The following PSD variants were observed in gnomAD, a reference collection of about 807,000 sequenced individuals.
PSD encodes pleckstrin and Sec7 domain containing.
In PSD, 32 loss-of-function variants were observed where a neutral mutation model predicts 91.6. The observed-to-expected ratio is 0.35, with a 90% CI of 0.26 to 0.47. The LOEUF (loss-of-function observed/expected upper bound fraction) is 0.47. Among genes scored for constraint, PSD ranks in the 20% least tolerant of loss-of-function variants. The probability of loss-of-function intolerance (pLI) is 1.00; values close to 1 mark genes in which losing one functional copy is unlikely to be tolerated. For missense variants in PSD, 1,099 were observed against 1,373.9 expected (o/e 0.80, Z 3.16); for synonymous variants, 532 against 569.3 (o/e 0.93, Z 0.93).
intron 1 of PSD, 57 bp downstream of exon 1, chr10:102,418,644 A>G (rs1157785183): frequency 4.5e-6 from 2 of 447,052 alleles, no homozygotes; most frequent in South Asian, 3.1e-5. Context: ...CGGAAGCTCA[A>G]CGGGGTCCCA....
Position 102,412,155 on chromosome 10 carries a change from T to G in PSD, c.1821A>C (p.Gln607His), listed in dbSNP as rs1054667869. Residue 607 changes from glutamine to histidine, a missense_variant, in exon 7 of 17, where the codon CAA (glutamine) becomes CAC (histidine). Physicochemically the swap from Gln to His is conservative, Grantham distance 24. Transcript: ENST00000020673. ...AAGGGGTCAACACCCACCTGAGAGCTTGGTCCAGAGTCATGCCCGTGAAGA... is the reference window on the plus strand; with the variant it reads ...AAGGGGTCAACACCCACCTGAGAGCGTGGTCCAGAGTCATGCCCGTGAAGA... Reference protein sequence around the residue: ...FFVFTGMTLDQALRVFLKELA... With the variant: ...FFVFTGMTLDHALRVFLKELA... The G allele has an allele frequency of 1.4e-5, 22 of 1,613,940 alleles. No homozygotes were observed. Among genetic ancestry groups the G allele is most frequent in the Non-Finnish European group, 1.9e-5 (22 of 1,179,980 alleles).
At chr10:102,406,297 C>T (rs546324024) in intron 11 of PSD, among the ~76,000 whole-genome samples, 1 of 152,338 alleles carries the variant, frequency 6.6e-6, no homozygotes, top group South Asian at 2.1e-4. Context: ...GCTGCACCTC[C>T]CCTGAGATCT....
In PSD at chr10:102,412,159, T is replaced by G; in HGVS notation, c.1817A>C (p.Asp606Ala). The G allele has an allele frequency of 6.2e-7, 1 of 1,614,036 alleles. No individual in the cohort carries two copies. ...GGTCAACACCCACCTGAGAGCTTGGTCCAGAGTCATGCCCGTGAAGACAAA... is the reference window on the plus strand; with the variant it reads ...GGTCAACACCCACCTGAGAGCTTGGGCCAGAGTCATGCCCGTGAAGACAAA... The part of the protein sequence containing the change: ...KFFVFTGMTL[D>A]QALRVFLKEL... Residue 606 changes from aspartate (D) to alanine (A), a missense_variant, in exon 7 of 17, where the codon GAC becomes GCC. Asp to Ala is a moderately radical substitution (Grantham distance 126). Transcript: ENST00000020673.
At chr10:102,417,588 A>G (rs1389151752) in intron 1 of PSD, among the ~76,000 whole-genome samples, 18 of 152,140 alleles carry the variant, frequency 1.2e-4, no homozygotes, top group Admixed American at 9.8e-4. Flanking sequence ...GGGAAGAGGA[A>G]CAGGTGTTAT....
rs1565228730 is a variant in PSD at position 102,416,139 on chromosome 10, ACAGGCACC to A, written c.655-28_655-21del. On this transcript the variant is annotated intron_variant, in intron 2 of 16. Transcript: ENST00000020673. The surrounding 1 kb of genome is among the most constrained non-coding windows in gnomAD (Gnocchi z 6.0). ...ATCCCCCTGAGCCAACGAGGGAGACACAGGCACCCAGAGATAAAGCCAGACATACAAGG... is the reference window on the plus strand; with the variant it reads ...ATCCCCCTGAGCCAACGAGGGAGACACAGAGATAAAGCCAGACATACAAGG... The A allele has an allele frequency of 3.8e-6, 6 of 1,569,208 alleles. No homozygotes were observed. Among genetic ancestry groups the A allele is most frequent in the African/African-American group, 1.4e-5 (1 of 73,888 alleles).
upstream of PSD, chr10:102,419,850 G>A (rs559798907): frequency 3.8e-5 from 8 of 209,050 alleles, no homozygotes; most frequent in Non-Finnish European, 6.1e-5. The surrounding 1 kb of genome is among the most constrained non-coding windows in gnomAD (Gnocchi z 4.8). Flanking sequence ...GCAGGCTGAG[G>A]AAGAAGAGAT....
chr10:102,419,012 G>T (rs977743688), upstream of PSD: 30 of 325,524 alleles, frequency 9.2e-5, no homozygotes, highest in Non-Finnish European at 1.8e-4. This position sits in a 1 kb window ranked among gnomAD's most constrained non-coding sequence, Gnocchi z 4.8. Context: ...ACCCTCACGT[G>T]CCCCACCCCA....
intron 1 of PSD, among the ~76,000 whole-genome samples, chr10:102,418,169 GACAC>G (rs140673906): frequency 0.013 from 1,940 of 147,568 alleles, 30 homozygotes; most frequent in African/African-American, 0.044. Flanking sequence ...CACACACACA[GACAC>G]ACACACACAC....
At chr10:102,412,038 G>T (rs1352401581) in intron 7 of PSD, 109 bp downstream of exon 7, 5 of 1,243,078 alleles carry the variant, frequency 4.0e-6, no homozygotes, top group Non-Finnish European at 5.9e-6. Flanking sequence ...CTTGGGAAGG[G>T]TGATGTCAGG....
At position 102,409,798 on chromosome 10, in the gene PSD, A is replaced by G. The variant is rs563866550; in HGVS notation, c.2091+1060T>C. Among the ~76,000 whole-genome samples the G allele has an allele frequency of 1.3e-5, 2 of 152,244 alleles. No homozygotes were observed. Among genetic ancestry groups the G allele is most frequent in the South Asian group, 4.1e-4 (2 of 4,826 alleles). On this transcript the variant is annotated intron_variant, in intron 10 of 16. Transcript: ENST00000020673. The surrounding 1 kb of genome is among the most constrained non-coding windows in gnomAD (Gnocchi z 5.7). Reference sequence around the variant, plus strand: ...CTTCAAAACTTAGAATCTTTAGCTCACAAAGATACACCCCCTACTCAGAGG... The same window carrying G: ...CTTCAAAACTTAGAATCTTTAGCTCGCAAAGATACACCCCCTACTCAGAGG...
chr10:102,407,024 C>T (rs2061370187), intron 11 of PSD, among the ~76,000 whole-genome samples, 199 bp downstream of exon 11: 1 of 152,132 alleles, frequency 6.6e-6, no homozygotes, highest in African/African-American at 2.4e-5. Flanking sequence ...TCATAACAAC[C>T]CAGCTAGAGA....
intron 11 of PSD, among the ~76,000 whole-genome samples, chr10:102,406,326 C>T (rs1269673392): frequency 1.3e-5 from 2 of 152,180 alleles, no homozygotes; most frequent in Non-Finnish European, 2.9e-5. Flanking sequence ...TGGGAACTCC[C>T]AGCTAACTGG....
At chr10:102,417,313 C>T (rs2061492671) in intron 1 of PSD, among the ~76,000 whole-genome samples, 192 bp from the exon 2 acceptor site, 1 of 152,070 alleles carries the variant, frequency 6.6e-6, no homozygotes, top group African/African-American at 2.4e-5. Context: ...GACTTATACA[C>T]CCAGTGGGCC....
At chr10:102,417,763 G>C (rs1227794485) in intron 1 of PSD, among the ~76,000 whole-genome samples, 1 of 150,088 alleles carries the variant, frequency 6.7e-6, no homozygotes, top group East Asian at 2.0e-4. Context: ...GGCTGGAGTG[G>C]AATGGCGCTA....
Position 102,409,036 on chromosome 10 carries a change from C to G in PSD, c.2092-1770G>C, listed in dbSNP as rs1172966291. The G allele has an allele frequency of 1.0e-6, 1 of 986,400 alleles. No individual in the cohort carries two copies. Among genetic ancestry groups the G allele is most frequent in the African/African-American group, 1.7e-5 (1 of 57,252 alleles). The allele number at this position is 986,400 out of a possible 1,614,324, so 61.1% of individuals were successfully genotyped here. On this transcript the variant is annotated intron_variant, in intron 10 of 16. Transcript: ENST00000020673. The surrounding 1 kb of genome is among the most constrained non-coding windows in gnomAD (Gnocchi z 5.7). ...GGGTGCGCCCGTAGCGCACGGAGCACAGCGAGCGCGAGCGCAGCCGCCCGG... is the reference window on the plus strand; with the variant it reads ...GGGTGCGCCCGTAGCGCACGGAGCAGAGCGAGCGCGAGCGCAGCCGCCCGG...
chr10:102,412,617 T>C (rs757546529), intron 5 of PSD, 42 bp from the exon 6 acceptor site: 2 of 1,560,362 alleles, frequency 1.3e-6, no homozygotes, highest in Non-Finnish European at 1.7e-6. Flanking sequence ...GCAGGGTCCT[T>C]AGGAGCCATC....
Position 102,412,724 on chromosome 10 carries a change from T to G in PSD, c.1554-149A>C, listed in dbSNP as rs2061436950. 41 of 700,156 alleles carry G rather than the reference T, an allele frequency of 5.9e-5. 1 individual carries two copies. The East Asian group carries it at 1.1e-3, about 19-fold the overall frequency. 43.4% of individuals were successfully genotyped at this position (700,156 alleles called of 1,614,324 possible). On this transcript the variant is annotated intron_variant, in intron 5 of 16. Coordinates refer to ENST00000020673, the MANE Select transcript of PSD (RefSeq NM_002779.5). ...TCTTCTTTTTTCCAGGGAAGGAGAT[T>G]AGATTCTCTCCATCAGCCTACTCCA...
At position 102,405,363 on chromosome 10, in the gene PSD, T is replaced by A; in HGVS notation, c.2309A>T (p.Asp770Val). The change falls in exon 12 of 17, where the codon GAC (aspartate) becomes GTC (valine). Residue 770 changes from aspartate (D) to valine (V), a missense_variant. Transcript: ENST00000020673. The surrounding 1 kb of genome is among the most constrained non-coding windows in gnomAD (Gnocchi z 5.4). The stretch of plus-strand genomic sequence containing the variant: ...CCACATACTCTTCCTGCAGTCAGGG[T>A]CTGCGTGCACCTTTCGCACCAGGGC... ...HGALVRKVHA[D>V]PDCRKTPRGK... The A allele has an allele frequency of 6.2e-7, 1 of 1,612,188 alleles. No homozygotes were observed. The highest frequency in any genetic ancestry group is 1.1e-5 in the South Asian group (1 of 91,062).
intron 3 of PSD, among the ~76,000 whole-genome samples, 161 bp downstream of exon 3, chr10:102,415,856 A>G (rs1169494127): frequency 1.3e-5 from 2 of 152,116 alleles, no homozygotes; most frequent in Non-Finnish European, 2.9e-5. Context: ...CCAGCCTCCC[A>G]TCATAGCGCA....
Sources: allele counts gnomAD v4.1 joint callset (sites outside exome capture counted in the v4.1 genomes callset), GRCh38; gene constraint gnomAD v4.1.1; non-coding constraint Gnocchi (gnomAD v3.1); transcripts MANE v1.5; gene names NCBI Gene and HGNC (gene_info 2026-07-23, HGNC 2026-07-21).